The following HEMK2 variants were observed in gnomAD, a reference collection of about 807,000 sequenced individuals.
The protein encoded by HEMK2 is HemK methyltransferase 2, ETF1 glutamine and histone H4 lysine.
chr21:28,831,626 A>AGAAGGAAGGAAG, the HEMK2 span, among the ~76,000 whole-genome samples: 2 of 73,276 alleles, frequency 2.7e-5, 1 homozygote, highest in African/African-American at 1.8e-4. Flanking sequence ...AAAGAAGGAA[A>AGAAGGAAGGAAG]GAAGGAAGGA....
the HEMK2 span, among the ~76,000 whole-genome samples, chr21:28,833,184 C>T: frequency 0.48 from 72,568 of 152,118 alleles, 19,744 homozygotes; most frequent in East Asian, 0.78. Flanking sequence ...CTCTTCTATG[C>T]AAAAGAATAT....
At chr21:28,734,900 T>C in the HEMK2 span, among the ~76,000 whole-genome samples, 4 of 152,224 alleles carry the variant, frequency 2.6e-5, no homozygotes, top group Non-Finnish European at 4.4e-5. Flanking sequence ...CTCATGGTTC[T>C]GGAGGTCAGC....
the HEMK2 span, among the ~76,000 whole-genome samples, chr21:28,713,993 G>T: frequency 2.0e-5 from 3 of 152,202 alleles, no homozygotes; most frequent in Non-Finnish European, 4.4e-5. Context: ...CCTGGAATTT[G>T]TCCATGAGTC....
the HEMK2 span, among the ~76,000 whole-genome samples, chr21:28,688,225 TGAGAGTA>T: frequency 6.6e-6 from 1 of 152,336 alleles, no homozygotes; most frequent in South Asian, 2.1e-4. Context: ...GCCCATTCAT[TGAGAGTA>T]CATTCAATGG....
chr21:28,819,339 T>C, the HEMK2 span, among the ~76,000 whole-genome samples: 1 of 151,738 alleles, frequency 6.6e-6, no homozygotes. Context: ...GCCATTCATG[T>C]GTTTATACAT....
the HEMK2 span, among the ~76,000 whole-genome samples, chr21:28,681,752 T>C: frequency 1 from 151,065 of 151,066 alleles, 75,532 homozygotes; most frequent in Middle Eastern, 1. Context: ...TGCCGCATAT[T>C]TACAACTATC....
At chr21:28,688,994 T>C in the HEMK2 span, among the ~76,000 whole-genome samples, 3 of 152,294 alleles carry the variant, frequency 2.0e-5, no homozygotes, top group African/African-American at 7.2e-5. Context: ...AGAGACAATA[T>C]GGCACACAAA....
chr21:28,739,158 G>C, the HEMK2 span, among the ~76,000 whole-genome samples: 757 of 152,246 alleles, frequency 5.0e-3, 5 homozygotes, highest in African/African-American at 0.018. Flanking sequence ...ATTGACATGC[G>C]TATTTCTGAC....
At chr21:28,613,619 CTTTTTTTTTTTTT>C in the HEMK2 span, among the ~76,000 whole-genome samples, 5 of 82,706 alleles carry the variant, frequency 6.0e-5, no homozygotes, top group African/African-American at 2.6e-4. Flanking sequence ...TCTGCATATT[CTTTTTTTTTTTTT>C]TTTTTTTTTT....
At chr21:28,742,031 AC>A in the HEMK2 span, among the ~76,000 whole-genome samples, 1 of 152,192 alleles carries the variant, frequency 6.6e-6, no homozygotes, top group Non-Finnish European at 1.5e-5. Flanking sequence ...TGAGGAGGTG[AC>A]GGCAAACTAT....
At chr21:28,831,582 G>A in the HEMK2 span, among the ~76,000 whole-genome samples, 317 of 46,484 alleles carry the variant, frequency 6.8e-3, no homozygotes, top group East Asian at 0.023. Context: ...AAAGAAAGAA[G>A]GAAAGAAGGA....
At chr21:28,766,900 G>A in the HEMK2 span, among the ~76,000 whole-genome samples, 1 of 152,126 alleles carries the variant, frequency 6.6e-6, no homozygotes, top group Admixed American at 6.5e-5. Context: ...TGGTTATACT[G>A]TACACTGCTT....
At chr21:28,797,116 G>T in the HEMK2 span, among the ~76,000 whole-genome samples, 2 of 152,140 alleles carry the variant, frequency 1.3e-5, no homozygotes, top group African/African-American at 4.8e-5. Flanking sequence ...TGGATGCCAA[G>T]ATATTCTTGT....
chr21:28,725,060 T>A, the HEMK2 span, among the ~76,000 whole-genome samples: 1 of 152,098 alleles, frequency 6.6e-6, no homozygotes, highest in Admixed American at 6.6e-5. Context: ...GTATCACACC[T>A]TTTTAAGATT....
At chr21:28,664,362 G>A in the HEMK2 span, among the ~76,000 whole-genome samples, 3 of 152,050 alleles carry the variant, frequency 2.0e-5, no homozygotes, top group Non-Finnish European at 4.4e-5. Context: ...ATATGTTTCT[G>A]GGTATCTTAC....
chr21:28,840,817 A>G, the HEMK2 span, among the ~76,000 whole-genome samples: 1 of 150,824 alleles, frequency 6.6e-6, no homozygotes. Flanking sequence ...AAAAGTAGAA[A>G]TACCATTTGA....
At chr21:28,638,272 A>C in the HEMK2 span, among the ~76,000 whole-genome samples, 1 of 152,150 alleles carries the variant, frequency 6.6e-6, no homozygotes, top group Non-Finnish European at 1.5e-5. Flanking sequence ...TTTCTGGAGG[A>C]GGTGGGATCT....
chr21:28,851,079 C>G, the HEMK2 span, among the ~76,000 whole-genome samples: 1 of 152,170 alleles, frequency 6.6e-6, no homozygotes, highest in Non-Finnish European at 1.5e-5. Context: ...CAGTTCAGGT[C>G]GCATGGTGAC....
At chr21:28,860,716 A>G in the HEMK2 span, among the ~76,000 whole-genome samples, 1 of 152,172 alleles carries the variant, frequency 6.6e-6, no homozygotes, top group South Asian at 2.1e-4. Flanking sequence ...TTTCTAATTT[A>G]TATAAACAGA....
Sources: allele counts gnomAD v4.1 joint callset (sites outside exome capture counted in the v4.1 genomes callset), GRCh38; gene constraint gnomAD v4.1.1; transcripts MANE v1.5; gene names NCBI Gene and HGNC (gene_info 2026-07-23, HGNC 2026-07-21).